Variants in ADAM23 observed in about 807,000 individuals in gnomAD.
The protein encoded by ADAM23 is ADAM metallopeptidase domain 23.
ADAM23 carries 33 observed loss-of-function variants against 120.1 expected under a neutral mutation model. That is an observed-to-expected ratio of 0.27 (90% CI 0.21 to 0.37). The LOEUF is 0.37. Among genes scored for constraint, ADAM23 ranks in the 10% least tolerant of loss-of-function variants. ADAM23 has a pLI of 1.00. For synonymous variants in ADAM23, 367 were observed against 375.2 expected, an observed-to-expected ratio of 0.98 and a Z score of 0.25; for missense variants, 862 against 1,058.2, an observed-to-expected ratio of 0.81 and a Z score of 2.57.
intron 4 of ADAM23, among the ~76,000 whole-genome samples, chr2:206,539,617 T>C (rs1697250249): frequency 6.6e-6 from 1 of 152,166 alleles, no homozygotes; most frequent in Non-Finnish European, 1.5e-5. Context: ...GATCCCTGGG[T>C]GGAAGGCACC....
At chr2:206,586,074 G>A (rs1311498077) in intron 18 of ADAM23, among the ~76,000 whole-genome samples, 1 of 152,218 alleles carries the variant, frequency 6.6e-6, no homozygotes, top group African/African-American at 2.4e-5. Context: ...GGCAAAGGCT[G>A]TGGGTGGCAG....
rs147627622 is a variant in ADAM23 at position 206,603,037 on chromosome 2, C to G, written c.2360-6873C>G. ...TGTGTTGTCAGCTAGAAGCTTTAAG[C>G]GTTCCATCTCCAGGTTTGGTAGGAT... On this transcript the variant is annotated intron_variant, in intron 24 of 25. Coordinates refer to ENST00000264377, the MANE Select transcript of ADAM23 (RefSeq NM_003812.4). Among the ~76,000 whole-genome samples the G allele has an allele frequency of 2.9e-3, 434 of 152,162 alleles. 5 individuals are homozygous for G. Among genetic ancestry groups the G allele is most frequent in the African/African-American group, 9.8e-3 (405 of 41,518 alleles).
At position 206,549,957 on chromosome 2, in the gene ADAM23, A is replaced by G. The variant is rs1390627974; in HGVS notation, c.868-138A>G. 6 of 458,540 alleles carry G rather than the reference A, an allele frequency of 1.3e-5. No homozygotes were observed. The South Asian group carries it at 2.6e-4, about 20-fold the overall frequency. The allele number at this position is 458,540 out of a possible 1,614,324, so 28.4% of individuals were successfully genotyped here. ...TCACTTTTTAAAATTTGCCTGACCA[A>G]CTTTCTTCTAAGGTGTTTATAAAGT... On this transcript the variant is annotated intron_variant, in intron 8 of 25. Transcript: ENST00000264377.
At chr2:206,511,523 A>G (rs1427071691) in intron 3 of ADAM23, among the ~76,000 whole-genome samples, 1 of 152,192 alleles carries the variant, frequency 6.6e-6, no homozygotes, top group Non-Finnish European at 1.5e-5. Flanking sequence ...ACTCTTCACC[A>G]GTCTGTTGTT....
chr2:206,543,300 A>C lies in ADAM23; in HGVS notation c.704A>C (p.Glu235Ala), dbSNP rs141617022. The C allele has an allele frequency of 2.6e-5, 42 of 1,613,956 alleles. No individual in the cohort carries two copies. The African/African-American group carries it at 5.5e-4, about 21-fold the overall frequency. The change falls in exon 6 of 26, where the codon GAG becomes GCG. Residue 235 changes from glutamate (E) to alanine (A), a missense_variant. Glu to Ala is a moderately radical substitution (Grantham distance 107). Transcript: ENST00000264377. Reference protein sequence around the residue: ...DTFVYMIEPLELVHDEKSTGR... With the variant: ...DTFVYMIEPLALVHDEKSTGR... ...TTCGTGTATATGATAGAGCCACTAG[A>C]GCTGGTTCATGATGAGGTGAGTCTA... is the stretch of plus-strand genomic sequence containing the variant.
At position 206,446,980 on chromosome 2, in the gene ADAM23, A is replaced by G. The variant is rs373758872; in HGVS notation, c.432+1456A>G. ...TTAGAGTTAAGTGGTTAGTTCTCAA[A>G]CTCCAGCACCTTTGCTTAGGATGCT... On this transcript the variant is annotated intron_variant, in intron 2 of 25. Coordinates refer to ENST00000264377, the MANE Select transcript of ADAM23 (RefSeq NM_003812.4). Among the ~76,000 whole-genome samples the G allele has an allele frequency of 3.3e-5, 5 of 152,232 alleles. No individual in the cohort carries two copies. The South Asian group carries it at 1.0e-3, about 32-fold the overall frequency.
chr2:206,499,726 C>T (rs1559235903), intron 3 of ADAM23, among the ~76,000 whole-genome samples: 1 of 152,092 alleles, frequency 6.6e-6, no homozygotes, highest in East Asian at 1.9e-4. Flanking sequence ...GCTGTGAAAT[C>T]ACTAATGTTC....
chr2:206,559,963 G>A lies in ADAM23; in HGVS notation c.1014G>A (p.Lys338=), dbSNP rs1394399810. ...SVVNLVDSIY[K]EQLNTRVVLV... The stretch of plus-strand genomic sequence containing the variant: ...CTGTTGTATACCCTCAGATTTACAA[G>A]GAGCAGCTCAACACCAGGGTTGTCC... Residue 338 remains lysine, a synonymous_variant, in exon 11 of 26, where the codon AAG becomes AAA. Coordinates refer to ENST00000264377, the MANE Select transcript of ADAM23 (RefSeq NM_003812.4). 1 of 1,612,810 alleles carries A rather than the reference G, an allele frequency of 6.2e-7. No homozygotes were observed. Among genetic ancestry groups the A allele is most frequent in the Non-Finnish European group, 8.5e-7 (1 of 1,179,568 alleles).
intron 4 of ADAM23, among the ~76,000 whole-genome samples, chr2:206,533,597 A>G (rs1039898838): frequency 6.6e-6 from 1 of 152,234 alleles, no homozygotes; most frequent in African/African-American, 2.4e-5. Context: ...AGAACAGTCT[A>G]TTTGGCTATG....
intron 25 of ADAM23, among the ~76,000 whole-genome samples, chr2:206,612,050 G>A (rs1698837112): frequency 6.6e-6 from 1 of 152,182 alleles, no homozygotes; most frequent in Non-Finnish European, 1.5e-5. Context: ...ATAGGGTGAA[G>A]TATTTCATGC....
chr2:206,608,933 A>G (rs1197677956), intron 24 of ADAM23, among the ~76,000 whole-genome samples: 3 of 152,214 alleles, frequency 2.0e-5, no homozygotes, highest in Non-Finnish European at 4.4e-5. Context: ...GATAGGACTG[A>G]AAGTATTTTG....
chr2:206,473,219 G>A (rs879589128), intron 2 of ADAM23, among the ~76,000 whole-genome samples: 19 of 152,062 alleles, frequency 1.2e-4, no homozygotes, highest in African/African-American at 4.1e-4. Context: ...GCATTTATTT[G>A]TTAGCAAATA....
At position 206,596,142 on chromosome 2, in the gene ADAM23, C is replaced by T. The variant is rs150120822; in HGVS notation, c.2339C>T (p.Pro780Leu). 7 of 1,613,898 alleles carry T rather than the reference C, an allele frequency of 4.3e-6. No individual in the cohort carries two copies. The highest frequency in any genetic ancestry group is 2.2e-5 in the South Asian group (2 of 91,046). ...IRDPVRNLHP[P>L]KDEGPKGPSA... ...GATCCAGTTAGGAACCTTCACCCCC[C>T]CAAGGATGAAGGACCCAAGGGTTTG... Residue 780 changes from proline (P) to leucine (L), a missense_variant, in exon 24 of 26, where the codon CCC becomes CTC. This residue lies in a region of ADAM23 where 617 missense variants were observed against 813.5 expected (regional missense o/e 0.76). Coordinates refer to ENST00000264377, the MANE Select transcript of ADAM23 (RefSeq NM_003812.4).
At chr2:206,523,038 G>A (rs187618398) in intron 3 of ADAM23, among the ~76,000 whole-genome samples, 35 of 152,110 alleles carry the variant, frequency 2.3e-4, no homozygotes, top group African/African-American at 8.2e-4. Flanking sequence ...TCCTCAGAAG[G>A]GAACTCTCAC....
chr2:206,518,422 A>G (rs1696776862), intron 3 of ADAM23, among the ~76,000 whole-genome samples: 2 of 152,138 alleles, frequency 1.3e-5, no homozygotes, highest in African/African-American at 4.8e-5. Flanking sequence ...ATTGTCATCA[A>G]ATTTGCTTAT....
chr2:206,495,146 G>A (rs1696213234), intron 3 of ADAM23, among the ~76,000 whole-genome samples: 5 of 152,066 alleles, frequency 3.3e-5, no homozygotes, highest in Admixed American at 2.0e-4. Flanking sequence ...GAAAAATAGA[G>A]AACGCCACAA....
chr2:206,599,923 C>T (rs1289249714), intron 24 of ADAM23, among the ~76,000 whole-genome samples: 6 of 152,094 alleles, frequency 3.9e-5, no homozygotes, highest in Non-Finnish European at 8.8e-5. Context: ...ATGTTGTGGC[C>T]GGGCACGGTG....
chr2:206,505,008 G>A (rs1045014522), intron 3 of ADAM23, among the ~76,000 whole-genome samples: 1 of 152,212 alleles, frequency 6.6e-6, no homozygotes, highest in African/African-American at 2.4e-5. Flanking sequence ...AATATGTTTT[G>A]AGGTCTTCAG....
chr2:206,583,378 C>T (rs762046392), intron 18 of ADAM23, among the ~76,000 whole-genome samples: 15 of 151,140 alleles, frequency 9.9e-5, no homozygotes, highest in Non-Finnish European at 1.9e-4. Flanking sequence ...GGCGTGAACC[C>T]GGGAGGCGGA....
Sources: gnomAD v4.1 joint callset for allele counts (sites outside exome capture counted in the v4.1 genomes callset) on GRCh38, gnomAD v4.1.1 for gene constraint, gnomAD v4.1.1 regional missense constraint, MANE v1.5 for transcripts, NCBI Gene and HGNC (gene_info 2026-07-23, HGNC 2026-07-21) for gene names.